Variants in CASK observed in about 807,000 individuals in gnomAD.
CASK encodes peripheral plasma membrane protein CASK.
Under a neutral mutation model 82.9 loss-of-function variants are expected in CASK, and 4 were observed. That is an observed-to-expected ratio of 0.05 (90% CI 0.02 to 0.11). CASK has a LOEUF of 0.11. CASK is among the 10% of genes least tolerant of loss of function. The pLI, the probability that CASK is intolerant of heterozygous loss-of-function variation, is 1.00. For synonymous variants in CASK, 259 were observed against 253.5 expected, an observed-to-expected ratio of 1.02 and a Z score of -0.20; for missense variants, 358 against 720.9, an observed-to-expected ratio of 0.50 and a Z score of 5.76.
rs1025950407 is a variant in CASK, at chrX:41,701,413, T to C, written c.430-29883A>G. 6.2e-5 allele frequency among the ~76,000 whole-genome samples: 7 copies of C among 112,698 alleles called. No homozygotes were observed. The East Asian group carries it at 1.9e-3, about 31-fold the overall frequency. On this transcript the variant is annotated intron_variant, in intron 5 of 26. Transcript: ENST00000378163. ...TATTCACAACAGATATGACATTTAC[T>C]GGAGAGCCTTTTATTTCAGCCACCA...
chrX:41,878,053 T>TTAAC (rs74424682), intron 1 of CASK, among the ~76,000 whole-genome samples: 20,885 of 110,109 alleles, frequency 0.19, 1,623 homozygotes, highest in Middle Eastern at 0.3. Flanking sequence ...GTTTTAAAAA[T>TTAAC]TAGCACGTGT....
chrX:41,878,705 T>C, intron 1 of CASK, among the ~76,000 whole-genome samples: 1 of 110,788 alleles, frequency 9.0e-6, no homozygotes, highest in Admixed American at 9.7e-5. Context: ...ATGAAGTTCT[T>C]AGAATGTTTC....
intron 1 of CASK, among the ~76,000 whole-genome samples, chrX:41,879,242 C>T (rs1225002058): frequency 9.0e-6 from 1 of 111,239 alleles, no homozygotes; most frequent in African/African-American, 3.3e-5. Flanking sequence ...TACAAGAGTA[C>T]AGCAGTCCCC....
intron 21 of CASK, among the ~76,000 whole-genome samples, chrX:41,553,087 A>G (rs1292974410): frequency 2.7e-5 from 3 of 112,481 alleles, no homozygotes; most frequent in Non-Finnish European, 1.9e-5. Flanking sequence ...TAACAATAAT[A>G]GCAGAAATAG....
chrX:41,632,282 A>G (rs2066482105), intron 9 of CASK, among the ~76,000 whole-genome samples: 1 of 112,139 alleles, frequency 8.9e-6, no homozygotes, highest in South Asian at 3.7e-4. Flanking sequence ...ATTACGGTAC[A>G]AAGGTCTTTG....
intron 2 of CASK, among the ~76,000 whole-genome samples, chrX:41,833,595 C>G (rs1490227145): frequency 9.0e-6 from 1 of 111,056 alleles, no homozygotes; most frequent in South Asian, 3.8e-4. Flanking sequence ...ATACTAAAAT[C>G]CACTGAATTA....
At position 41,515,541 on chromosome X, in the gene CASK, G is replaced by A. The variant is rs1328506899; in HGVS notation, c.*4879C>T. ...TACACTGCAATTAAACACGATACTC[G>A]GGTCTTAGCACGTGAGGATTGGGCG... On this transcript the variant is annotated 3_prime_UTR_variant, in exon 27 of 27. Coordinates refer to ENST00000378163, the MANE Select transcript of CASK (RefSeq NM_001367721.1). The A allele has an allele frequency of 8.9e-6, 1 of 111,906 alleles. No homozygotes were observed. The highest frequency in any genetic ancestry group is 1.9e-5 in the Non-Finnish European group (1 of 53,153). The allele number at this position is 111,906 out of a possible 1,213,427, so 9.2% of individuals were successfully genotyped here. A position where few individuals can be genotyped will look rare whatever the true frequency, so the allele number is the denominator to read the frequency against.
At chrX:41,776,645 A>G (rs971769767) in intron 3 of CASK, among the ~76,000 whole-genome samples, 5 of 112,365 alleles carry the variant, frequency 4.4e-5, no homozygotes, top group Admixed American at 1.9e-4. Flanking sequence ...AAGGAAAGGG[A>G]AAGAGAAGGG....
chrX:41,831,564 G>A (rs766413762), intron 2 of CASK, among the ~76,000 whole-genome samples: 11 of 112,155 alleles, frequency 9.8e-5, no homozygotes, highest in African/African-American at 3.6e-4. Flanking sequence ...AACTGCTTCT[G>A]TTTGCAGATA....
At chrX:41,618,037 T>TAC (rs766522356) in intron 11 of CASK, among the ~76,000 whole-genome samples, 3 of 111,907 alleles carry the variant, frequency 2.7e-5, no homozygotes, top group Non-Finnish European at 5.6e-5. Context: ...TTCTGGGGTG[T>TAC]ACTTTGCAGA....
chrX:41,686,846 G>A (rs1402693131), intron 5 of CASK, among the ~76,000 whole-genome samples: 1 of 112,138 alleles, frequency 8.9e-6, no homozygotes, highest in East Asian at 2.8e-4. Context: ...GTATACATTT[G>A]TTCTTTTCTA....
At chrX:41,573,201 C>T (rs1197585900) in intron 15 of CASK, among the ~76,000 whole-genome samples, 1 of 103,536 alleles carries the variant, frequency 9.7e-6, no homozygotes, top group Non-Finnish European at 2.0e-5. Context: ...CTCTGTCTCC[C>T]AATTTCTTTC....
intron 2 of CASK, among the ~76,000 whole-genome samples, chrX:41,809,690 C>T (rs142997095): frequency 0.021 from 2,393 of 112,194 alleles, 35 homozygotes; most frequent in Admixed American, 0.051. Context: ...GCCTCTCCCC[C>T]TCCAAAGGAA....
intron 1 of CASK, among the ~76,000 whole-genome samples, chrX:41,913,292 T>C (rs980148084): frequency 1.6e-4 from 18 of 112,354 alleles, no homozygotes; most frequent in Admixed American, 5.6e-4. Flanking sequence ...GGCACATGTA[T>C]ACATTTGTAA....
At chrX:41,838,980 T>C (rs2070982686) in intron 2 of CASK, among the ~76,000 whole-genome samples, 1 of 111,338 alleles carries the variant, frequency 9.0e-6, no homozygotes, top group African/African-American at 3.3e-5. Flanking sequence ...GGGGTACTTA[T>C]GGGTAATCTA....
At chrX:41,757,203 A>T (rs1040202835) in intron 3 of CASK, among the ~76,000 whole-genome samples, 1 of 112,174 alleles carries the variant, frequency 8.9e-6, no homozygotes, top group South Asian at 3.7e-4. Flanking sequence ...AGTCTTTTTT[A>T]AAAAAATCTT....
intron 12 of CASK, among the ~76,000 whole-genome samples, chrX:41,608,481 G>A (rs905584832): frequency 8.9e-6 from 1 of 111,882 alleles, no homozygotes; most frequent in Non-Finnish European, 1.9e-5. Context: ...ATCATATGGT[G>A]AATTATTCAG....
chrX:41,868,368 C>A (rs2071629120), intron 1 of CASK, among the ~76,000 whole-genome samples: 1 of 111,566 alleles, frequency 9.0e-6, no homozygotes, highest in Non-Finnish European at 1.9e-5. Context: ...CACTGAGAGA[C>A]CATTGAACTT....
intron 3 of CASK, among the ~76,000 whole-genome samples, chrX:41,750,562 T>C (rs1202358845): frequency 1.8e-5 from 2 of 112,074 alleles, no homozygotes; most frequent in Non-Finnish European, 3.8e-5. Flanking sequence ...CTATACTGTA[T>C]GCAGAGAGAA....
Sources: allele counts gnomAD v4.1 joint callset (sites outside exome capture counted in the v4.1 genomes callset), GRCh38; gene constraint gnomAD v4.1.1; transcripts MANE v1.5; gene names NCBI Gene and HGNC (gene_info 2026-07-23, HGNC 2026-07-21).